The following WDR48 variants were observed in gnomAD, a reference collection of about 807,000 sequenced individuals.
WDR48 encodes the protein WD repeat-containing protein 48.
Under a neutral mutation model 94.0 loss-of-function variants are expected in WDR48, and 22 were observed. That is an observed-to-expected ratio of 0.23 (90% CI 0.17 to 0.33). The LOEUF (loss-of-function observed/expected upper bound fraction) is 0.33, where lower values mean the gene tolerates loss of function less well. Among genes scored for constraint, WDR48 ranks in the 10% least tolerant of loss-of-function variants. WDR48 has a pLI of 1.00. For missense variants in WDR48, 541 were observed against 813.8 expected (o/e 0.66, Z 4.08); for synonymous variants, 278 against 280.5 (o/e 0.99, Z 0.09).
Position 39,093,856 on chromosome 3 carries a change from G to T in WDR48, c.1746-18G>T. ...AGTGATTTCCCTGATGTCACAATAT[G>T]CCATTGCTTTTTTACAGAGATAGAC... On this transcript the variant is annotated intron_variant, in intron 17 of 18. Transcript: ENST00000302313. 1 of 1,525,448 alleles carries T rather than the reference G, an allele frequency of 6.6e-7. No individual in the cohort carries two copies. The highest frequency in any genetic ancestry group is 8.8e-7 in the Non-Finnish European group (1 of 1,138,412). 94.5% of individuals were successfully genotyped at this position (1,525,448 alleles called of 1,614,324 possible). A position where few individuals can be genotyped will look rare whatever the true frequency, so the allele number is the denominator to read the frequency against.
intron 15 of WDR48, among the ~76,000 whole-genome samples, chr3:39,088,883 T>C (rs1180145296): frequency 6.6e-6 from 1 of 152,192 alleles, no homozygotes; most frequent in Non-Finnish European, 1.5e-5. Flanking sequence ...TTACCAGAAA[T>C]ATTCTGACTT....
intron 9 of WDR48, 68 bp from the exon 10 acceptor site, chr3:39,078,069 C>A: frequency 8.4e-7 from 1 of 1,184,428 alleles, no homozygotes; most frequent in Non-Finnish European, 1.2e-6. Flanking sequence ...ATTTTTCTTG[C>A]CACTTTAAAC....
intron 7 of WDR48, 104 bp from the exon 8 acceptor site, chr3:39,074,622 A>T: frequency 9.0e-7 from 1 of 1,114,182 alleles, no homozygotes; most frequent in Non-Finnish European, 1.3e-6. Context: ...ACAGGTTAAT[A>T]GAGTCGTGTG....
intron 9 of WDR48, 84 bp from the exon 10 acceptor site, chr3:39,078,053 G>T: frequency 3.9e-6 from 4 of 1,018,430 alleles, no homozygotes; most frequent in African/African-American, 1.6e-5. Context: ...TTTGTTTTTT[G>T]ACTTTATTTT....
intron 7 of WDR48, among the ~76,000 whole-genome samples, chr3:39,072,835 A>C (rs2034014080): frequency 6.6e-6 from 1 of 152,222 alleles, no homozygotes; most frequent in South Asian, 2.1e-4. Context: ...AATGCTGCGA[A>C]GAAGTTGGCC....
At chr3:39,079,625 T>G in intron 10 of WDR48, 86 bp from the exon 11 acceptor site, 1 of 930,856 alleles carries the variant, frequency 1.1e-6, no homozygotes, top group South Asian at 1.7e-5. Flanking sequence ...TATGTTCCTG[T>G]TAGATACCAG....
chr3:39,055,229 G>A (rs35713028), intron 1 of WDR48, among the ~76,000 whole-genome samples: 21,552 of 152,208 alleles, frequency 0.14, 1,772 homozygotes, highest in African/African-American at 0.22. Flanking sequence ...GCTCATGCCT[G>A]TAATCCCAGC....
chr3:39,091,804 T>C (rs2035085870), intron 17 of WDR48, 103 bp downstream of exon 17: 7 of 988,766 alleles, frequency 7.1e-6, no homozygotes, highest in Non-Finnish European at 1.0e-5. Context: ...GATCTAAGGC[T>C]GATTTTATAA....
Position 39,094,189 on chromosome 3 carries a change from ACCTAAAGCCCAC to A in WDR48, c.1938+132_1938+143del. ...CTCTAAGGAGCCCTGGGCCTCTCCTACCTAAAGCCCACCCTAAAGCTCCTCTTTACTGCTGGG... is the reference window on the plus strand; with the variant it reads ...CTCTAAGGAGCCCTGGGCCTCTCCTACCTAAAGCTCCTCTTTACTGCTGGG... On this transcript the variant is annotated intron_variant, in intron 18 of 18. Transcript: ENST00000302313. The A allele has an allele frequency of 8.2e-6, 12 of 1,468,224 alleles. 1 individual carries two copies. In the South Asian group the frequency reaches 1.8e-4, roughly 22 times the overall value. The allele number at this position is 1,468,224 out of a possible 1,614,324, so 90.9% of individuals were successfully genotyped here.
intron 13 of WDR48, among the ~76,000 whole-genome samples, chr3:39,085,203 G>A (rs867884733): frequency 1.3e-5 from 2 of 151,754 alleles, no homozygotes; most frequent in Middle Eastern, 3.4e-3. Context: ...CTCCAGCCTG[G>A]GTGACAGAGC....
intron 1 of WDR48, among the ~76,000 whole-genome samples, chr3:39,061,320 G>T (rs1308324179): frequency 1.4e-5 from 2 of 143,574 alleles, no homozygotes; most frequent in Non-Finnish European, 3.0e-5. Context: ...TCATTGTTCA[G>T]CTCCCACTTA....
intron 1 of WDR48, among the ~76,000 whole-genome samples, chr3:39,058,955 A>T (rs1406696319): frequency 1.3e-5 from 2 of 152,038 alleles, no homozygotes; most frequent in Middle Eastern, 6.8e-3. Flanking sequence ...GGCACCTGTA[A>T]TCTAAGCTAC....
intron 2 of WDR48, 62 bp downstream of exon 2, chr3:39,063,252 T>C (rs924140872): frequency 3.6e-5 from 57 of 1,577,692 alleles, no homozygotes; most frequent in Non-Finnish European, 4.7e-5. Flanking sequence ...TACTGTCTAA[T>C]ATGACACTTT....
intron 7 of WDR48, 29 bp from the exon 8 acceptor site, chr3:39,074,697 G>A (rs759228561): frequency 3.2e-5 from 52 of 1,610,988 alleles, no homozygotes; most frequent in Non-Finnish European, 4.1e-5. Flanking sequence ...TTTGTGGCAA[G>A]TTCTAACTTT....
At chr3:39,093,558 ACTC>A (rs2035197006) in intron 17 of WDR48, among the ~76,000 whole-genome samples, 1 of 151,428 alleles carries the variant, frequency 6.6e-6, no homozygotes, top group African/African-American at 2.4e-5. Context: ...CTGGTCTTGA[ACTC>A]CTGATCTGAA....
intron 13 of WDR48, 48 bp downstream of exon 13, chr3:39,084,789 T>C (rs1171582061): frequency 6.6e-7 from 1 of 1,518,968 alleles, no homozygotes. Flanking sequence ...AAAGAGAAGA[T>C]GAATATGAGC....
At chr3:39,057,219 T>C (rs1484148836) in intron 1 of WDR48, among the ~76,000 whole-genome samples, 1 of 152,178 alleles carries the variant, frequency 6.6e-6, no homozygotes, top group Non-Finnish European at 1.5e-5. Flanking sequence ...AGGGAGGAGA[T>C]ATTGAGGGTA....
intron 9 of WDR48, chr3:39,077,861 C>T (rs889477639): frequency 6.8e-6 from 2 of 294,130 alleles, no homozygotes; most frequent in Non-Finnish European, 1.3e-5. Context: ...GTGTTAATTT[C>T]ATCATGCCAA....
intron 7 of WDR48, among the ~76,000 whole-genome samples, chr3:39,070,268 G>A (rs2033852189): frequency 6.6e-6 from 1 of 152,164 alleles, no homozygotes; most frequent in African/African-American, 2.4e-5. Flanking sequence ...ATTCTGTTCT[G>A]TAGCAATGGA....
Sources: allele counts gnomAD v4.1 joint callset (sites outside exome capture counted in the v4.1 genomes callset), GRCh38; gene constraint gnomAD v4.1.1; transcripts MANE v1.5; gene names NCBI Gene and HGNC (gene_info 2026-07-23, HGNC 2026-07-21).